The following NALCN variants were observed in gnomAD, a reference collection of about 807,000 sequenced individuals.
NALCN encodes the protein sodium leak channel NALCN.
NALCN carries 111 observed loss-of-function variants against 225.3 expected under a neutral mutation model. That is an observed-to-expected ratio of 0.49 (90% CI 0.42 to 0.58). The LOEUF (loss-of-function observed/expected upper bound fraction) is 0.58, where lower values mean the gene tolerates loss of function less well. NALCN is among the 20% of genes least tolerant of loss of function. NALCN has a pLI of 0.00. For synonymous variants in NALCN, 764 were observed against 769.0 expected (o/e 0.99, Z 0.11); for missense variants, 1,378 against 2,202.4 (o/e 0.63, Z 7.49).
rs1186702611 is a variant in NALCN at position 101,237,750 on chromosome 13, A to G, written c.1434+5T>C. On this transcript the variant is annotated splice_donor_5th_base_variant and intron_variant, in intron 12 of 43. Coordinates refer to ENST00000251127, the MANE Select transcript of NALCN (RefSeq NM_052867.4). ...CTAAAGACAAATAGGCATTATTTTT[A>G]TTACCTGAAAGTACGTGAATTGTGA... 1.9e-6 allele frequency: 3 copies of G among 1,551,368 alleles called. No homozygotes were observed. The highest frequency in any genetic ancestry group is 4.1e-5 in the Admixed American group (2 of 48,776).
chr13:101,310,545 T>C (rs1463787936), intron 7 of NALCN, among the ~76,000 whole-genome samples: 1 of 152,134 alleles, frequency 6.6e-6, no homozygotes. Context: ...CAATTCCTGC[T>C]CACACCTTCC....
intron 13 of NALCN, among the ~76,000 whole-genome samples, chr13:101,203,246 G>A (rs941621506): frequency 2.0e-5 from 3 of 152,132 alleles, no homozygotes; most frequent in East Asian, 1.9e-4. Context: ...ACAGAGTTTC[G>A]CTCTTGTCGC....
chr13:101,209,259 T>C (rs994668054), intron 13 of NALCN, among the ~76,000 whole-genome samples: 1 of 152,196 alleles, frequency 6.6e-6, no homozygotes, highest in African/African-American at 2.4e-5. Flanking sequence ...ATAGTAACCA[T>C]TAAGATTAAT....
At chr13:101,082,943 C>T in intron 32 of NALCN, 60 bp from the exon 33 acceptor site, 1 of 1,595,842 alleles carries the variant, frequency 6.3e-7, no homozygotes, top group Non-Finnish European at 8.6e-7. Context: ...ACAGGCTTGC[C>T]CCTCTTCTGC....
At chr13:101,350,756 C>T (rs9300661) in intron 6 of NALCN, among the ~76,000 whole-genome samples, 66,490 of 151,998 alleles carry the variant, frequency 0.44, 15,137 homozygotes, top group African/African-American at 0.55. Context: ...TAAAGCATGT[C>T]ACCCTCCATA....
Position 101,144,936 on chromosome 13 carries a change from A to G in NALCN, c.1840-40T>C, listed in dbSNP as rs185041526. ...GAAAGAAGAAAAAAAGGGGGAACCT[A>G]TAATACTATTATATACGTTACACAA... On this transcript the variant is annotated intron_variant, in intron 15 of 43. Coordinates refer to ENST00000251127, the MANE Select transcript of NALCN (RefSeq NM_052867.4). 3,212 of 1,587,662 alleles carry G rather than the reference A, an allele frequency of 2.0e-3. 4 individuals are homozygous for G. Among genetic ancestry groups the G allele is most frequent in the Non-Finnish European group, 2.6e-3 (3,028 of 1,172,786 alleles).
chr13:101,174,309 G>A (rs1236423464), intron 15 of NALCN, among the ~76,000 whole-genome samples: 1 of 152,142 alleles, frequency 6.6e-6, no homozygotes, highest in Non-Finnish European at 1.5e-5. Flanking sequence ...TTGTAGGCTA[G>A]TGCAATTGGA....
chr13:101,092,151 A>G (rs1441631359), intron 28 of NALCN, among the ~76,000 whole-genome samples: 1 of 152,102 alleles, frequency 6.6e-6, no homozygotes, highest in African/African-American at 2.4e-5. Flanking sequence ...GAAATATTGT[A>G]ATCTTGCCTG....
chr13:101,083,266 T>A (rs1209278703), intron 31 of NALCN, 68 bp from the exon 32 acceptor site: 5 of 1,292,112 alleles, frequency 3.9e-6, no homozygotes, highest in Non-Finnish European at 5.5e-6. Context: ...GTCGTTTATT[T>A]TCTTAAATGC....
intron 3 of NALCN, among the ~76,000 whole-genome samples, chr13:101,384,748 C>T (rs1294394886): frequency 1.3e-5 from 2 of 152,092 alleles, no homozygotes; most frequent in East Asian, 3.9e-4. Flanking sequence ...CTTTTCACCT[C>T]TAGGGATTTG....
intron 6 of NALCN, among the ~76,000 whole-genome samples, chr13:101,363,886 G>GA (rs1183823194): frequency 1.3e-5 from 2 of 151,854 alleles, no homozygotes; most frequent in African/African-American, 2.4e-5. Flanking sequence ...AACTCAATGG[G>GA]AAAAATCTAA....
At chr13:101,403,843 C>G (rs2047545118) in intron 1 of NALCN, among the ~76,000 whole-genome samples, 1 of 152,152 alleles carries the variant, frequency 6.6e-6, no homozygotes, top group African/African-American at 2.4e-5. Flanking sequence ...ATCCCTGGCA[C>G]AGTTTGAGAA....
intron 9 of NALCN, among the ~76,000 whole-genome samples, chr13:101,291,738 C>T (rs2043561425): frequency 6.6e-6 from 1 of 152,012 alleles, no homozygotes; most frequent in African/African-American, 2.4e-5. Flanking sequence ...TTTGTAGAGA[C>T]AGGGTCTTGC....
chr13:101,318,234 C>A (rs2044623745), intron 7 of NALCN, among the ~76,000 whole-genome samples: 1 of 152,110 alleles, frequency 6.6e-6, no homozygotes, highest in Admixed American at 6.5e-5. Flanking sequence ...GGATCCCATG[C>A]CCACCAAGGT....
intron 7 of NALCN, among the ~76,000 whole-genome samples, chr13:101,323,547 A>T (rs1038346373): frequency 6.7e-6 from 1 of 150,164 alleles, no homozygotes; most frequent in Non-Finnish European, 1.5e-5. Context: ...TCAGTGCATG[A>T]TTATTATTTT....
At chr13:101,233,332 G>C (rs921033946) in intron 12 of NALCN, among the ~76,000 whole-genome samples, 2 of 149,694 alleles carry the variant, frequency 1.3e-5, no homozygotes, top group Non-Finnish European at 2.9e-5. Context: ...TCATGTTCTT[G>C]GGAAGAATTT....
chr13:101,368,056 G>C (rs970029888), intron 6 of NALCN, among the ~76,000 whole-genome samples: 12 of 151,280 alleles, frequency 7.9e-5, no homozygotes, highest in Non-Finnish European at 1.2e-4. Context: ...ACAATGTGCA[G>C]GTTAGTTACA....
intron 30 of NALCN, 57 bp from the exon 31 acceptor site, chr13:101,083,861 C>T: frequency 6.5e-7 from 1 of 1,534,972 alleles, no homozygotes; most frequent in Admixed American, 1.7e-5. Context: ...GCACCAAGAA[C>T]ATGGCAGATG....
intron 11 of NALCN, among the ~76,000 whole-genome samples, chr13:101,239,677 CAATAAA>C (rs1190630848): frequency 6.6e-6 from 1 of 152,028 alleles, no homozygotes; most frequent in African/African-American, 2.4e-5. Flanking sequence ...ATTGCTACTT[CAATAAA>C]AAGGCTGCAC....
Sources: gnomAD v4.1 joint callset for allele counts (sites outside exome capture counted in the v4.1 genomes callset) on GRCh38, gnomAD v4.1.1 for gene constraint, MANE v1.5 for transcripts, NCBI Gene and HGNC (gene_info 2026-07-23, HGNC 2026-07-21) for gene names.